The following ROBO1 variants were observed in gnomAD, a reference collection of about 807,000 sequenced individuals.
The protein encoded by ROBO1 is roundabout homolog 1.
Under a neutral mutation model 195.9 loss-of-function variants are expected in ROBO1, and 149 were observed. That is an observed-to-expected ratio of 0.76 (90% CI 0.67 to 0.87). ROBO1 has a LOEUF of 0.87. ROBO1 is among the 40% of genes least tolerant of loss of function. The pLI is 0.00. For synonymous variants in ROBO1, 816 were observed against 733.2 expected (o/e 1.11, Z -1.82); for missense variants, 1,933 against 2,068.3 (o/e 0.93, Z 1.27).
At chr3:79,328,559 T>C (rs970104649) in intron 2 of ROBO1, among the ~76,000 whole-genome samples, 1 of 152,192 alleles carries the variant, frequency 6.6e-6, no homozygotes, top group African/African-American at 2.4e-5. Flanking sequence ...TACAATTTTA[T>C]GCACATAATG....
chr3:79,070,374 C>T (rs1353944272), intron 3 of ROBO1, among the ~76,000 whole-genome samples: 2 of 151,854 alleles, frequency 1.3e-5, no homozygotes, highest in African/African-American at 4.8e-5. Flanking sequence ...TATTACAGTT[C>T]CTTCTGCAAA....
intron 3 of ROBO1, among the ~76,000 whole-genome samples, chr3:78,948,008 C>T (rs142642705): frequency 4.6e-5 from 7 of 152,062 alleles, no homozygotes; most frequent in Non-Finnish European, 1.0e-4. Context: ...CAATAACAGG[C>T]TCTGAAATTG....
intron 2 of ROBO1, among the ~76,000 whole-genome samples, chr3:79,559,095 G>T (rs1157725660): frequency 6.6e-6 from 1 of 152,098 alleles, no homozygotes; most frequent in Non-Finnish European, 1.5e-5. Context: ...GAAGCCAACC[G>T]ATCAGACCAC....
intron 4 of ROBO1, among the ~76,000 whole-genome samples, chr3:78,895,900 A>G (rs1029772437): frequency 2.0e-5 from 3 of 152,222 alleles, no homozygotes; most frequent in Non-Finnish European, 4.4e-5. Context: ...GAAAATAAGA[A>G]TTATACTTTT....
At position 78,711,702 on chromosome 3, in the gene ROBO1, C is replaced by T. The variant is rs940413940; in HGVS notation, c.1045+2695G>A. ...TGGGGTTTCACCATGTTAGTCAGGC[C>T]GGTCTCGAACTCCGTACCTCAGGTG... On this transcript the variant is annotated intron_variant, in intron 8 of 30. Transcript: ENST00000464233. 1.5e-4 allele frequency among the ~76,000 whole-genome samples: 22 copies of T among 150,238 alleles called. 1 individual carries two copies. In the South Asian group the frequency reaches 2.5e-3, roughly 17 times the overall value.
chr3:79,759,976 C>T (rs1488382272), intron 1 of ROBO1, among the ~76,000 whole-genome samples: 1 of 151,878 alleles, frequency 6.6e-6, no homozygotes, highest in Non-Finnish European at 1.5e-5. Context: ...GTGGCTCATG[C>T]CTGTAATCCC....
At chr3:78,959,448 G>T (rs1387687923) in intron 3 of ROBO1, among the ~76,000 whole-genome samples, 1 of 151,962 alleles carries the variant, frequency 6.6e-6, no homozygotes, top group Non-Finnish European at 1.5e-5. Context: ...TAAAACCAGA[G>T]GAATAATAAT....
chr3:79,329,319 T>C (rs1180125635), intron 2 of ROBO1, among the ~76,000 whole-genome samples: 1 of 152,144 alleles, frequency 6.6e-6, no homozygotes, highest in Non-Finnish European at 1.5e-5. Context: ...AGTTACTAGG[T>C]AACAGAACAC....
At chr3:79,175,953 G>A (rs148352736) in intron 2 of ROBO1, among the ~76,000 whole-genome samples, 10 of 152,262 alleles carry the variant, frequency 6.6e-5, no homozygotes, top group African/African-American at 1.9e-4. Context: ...TTCTGGCAAT[G>A]TTCTGGTTAT....
intron 27 of ROBO1, among the ~76,000 whole-genome samples, chr3:78,615,908 A>G (rs937267358): frequency 6.6e-6 from 1 of 152,244 alleles, no homozygotes; most frequent in African/African-American, 2.4e-5. Flanking sequence ...TGCAATAAGC[A>G]GAGGCCAATG....
intron 4 of ROBO1, among the ~76,000 whole-genome samples, chr3:78,827,458 T>C (rs1401545289): frequency 6.6e-6 from 1 of 152,202 alleles, no homozygotes; most frequent in African/African-American, 2.4e-5. Context: ...TCCAAGTTCA[T>C]ATAGCAGGTG....
chr3:78,973,186 C>T (rs28412538), intron 3 of ROBO1, among the ~76,000 whole-genome samples: 21,758 of 151,640 alleles, frequency 0.14, 2,283 homozygotes, highest in African/African-American at 0.3. Flanking sequence ...ACTAATTTCC[C>T]TATTAATTCC....
chr3:79,214,504 T>C (rs2082019791), intron 2 of ROBO1, among the ~76,000 whole-genome samples: 1 of 151,982 alleles, frequency 6.6e-6, no homozygotes, highest in African/African-American at 2.4e-5. Flanking sequence ...TTACTGACCT[T>C]ATAGTATTGT....
chr3:79,174,351 C>G (rs1239409524), intron 2 of ROBO1, among the ~76,000 whole-genome samples: 1 of 151,914 alleles, frequency 6.6e-6, no homozygotes, highest in Non-Finnish European at 1.5e-5. Context: ...AGGTCCGCAG[C>G]TTTACTCCTG....
At chr3:79,519,874 TGCAGCTGGGCACCGTG>T (rs1384795170) in intron 2 of ROBO1, among the ~76,000 whole-genome samples, 2 of 151,928 alleles carry the variant, frequency 1.3e-5, no homozygotes, top group African/African-American at 4.8e-5. Context: ...TAAGAGACCT[TGCAGCTGGGCACCGTG>T]GCTCACATCT....
At chr3:78,712,378 A>G (rs916606692) in intron 8 of ROBO1, among the ~76,000 whole-genome samples, 1 of 152,168 alleles carries the variant, frequency 6.6e-6, no homozygotes, top group African/African-American at 2.4e-5. Flanking sequence ...AATGGCTTCA[A>G]TTCTGATTAG....
chr3:79,652,314 T>C (rs775182759), intron 1 of ROBO1, among the ~76,000 whole-genome samples: 7 of 148,578 alleles, frequency 4.7e-5, no homozygotes, highest in Non-Finnish European at 1.0e-4. Context: ...TAAAAATTCT[T>C]TCCATTCTCA....
In ROBO1 at chr3:79,516,356, T is replaced by C. The variant is rs145396601; in HGVS notation, c.88+73468A>G. The stretch of plus-strand genomic sequence containing the variant: ...ACAGCTCTCAATTTACCTATATTTA[T>C]ATTTTAAAAATGCATATTTTCACAT... On this transcript the variant is annotated intron_variant, in intron 2 of 30. Transcript: ENST00000464233. Among the ~76,000 whole-genome samples, 879 of 152,258 alleles carry C rather than the reference T, an allele frequency of 5.8e-3. 6 individuals are homozygous for C. Among genetic ancestry groups the C allele is most frequent in the Non-Finnish European group, 0.011 (717 of 68,014 alleles).
chr3:79,388,382 C>A (rs1017247605), intron 2 of ROBO1, among the ~76,000 whole-genome samples: 3 of 151,866 alleles, frequency 2.0e-5, no homozygotes, highest in African/African-American at 4.8e-5. Flanking sequence ...TCTCTCTCTC[C>A]CACCTCCTGT....
Sources: gnomAD v4.1 joint callset for allele counts (sites outside exome capture counted in the v4.1 genomes callset) on GRCh38, gnomAD v4.1.1 for gene constraint, MANE v1.5 for transcripts, NCBI Gene and HGNC (gene_info 2026-07-23, HGNC 2026-07-21) for gene names.